The following MARCHF3 variants were observed in gnomAD, a reference collection of about 807,000 sequenced individuals.
The protein encoded by MARCHF3 is E3 ubiquitin-protein ligase MARCHF3.
A neutral mutation model predicts 24.2 loss-of-function variants in MARCHF3; 13 were observed. That is an observed-to-expected ratio of 0.54 (90% confidence interval 0.35 to 0.85). The LOEUF (loss-of-function observed/expected upper bound fraction) is 0.85, where lower values mean the gene tolerates loss of function less well. MARCHF3 is among the 40% of genes least tolerant of loss of function. MARCHF3 has a pLI of 0.01. For missense variants in MARCHF3, 276 were observed against 325.0 expected (o/e 0.85, Z 1.16); for synonymous variants, 144 against 137.3 (o/e 1.05, Z -0.34).
chr5:126,880,819 T>C (rs927203901), intron 3 of MARCHF3, among the ~76,000 whole-genome samples: 3 of 152,222 alleles, frequency 2.0e-5, no homozygotes. Flanking sequence ...TGTACTCTTC[T>C]CTGTACTTCC....
intron 4 of MARCHF3, among the ~76,000 whole-genome samples, chr5:126,872,897 C>A (rs1312128267): frequency 6.6e-6 from 1 of 151,986 alleles, no homozygotes; most frequent in Non-Finnish European, 1.5e-5. Flanking sequence ...TTCTGTCCTG[C>A]TGCTGCTTGG....
chr5:126,989,102 A>G (rs1209475461), intron 1 of MARCHF3, among the ~76,000 whole-genome samples: 1 of 152,102 alleles, frequency 6.6e-6, no homozygotes, highest in Non-Finnish European at 1.5e-5. Context: ...CAACATAGTG[A>G]GACCCCATCT....
At chr5:127,000,917 C>T (rs1410117300) in intron 1 of MARCHF3, among the ~76,000 whole-genome samples, 7 of 152,008 alleles carry the variant, frequency 4.6e-5, no homozygotes, top group Non-Finnish European at 1.0e-4. Flanking sequence ...CCATCCGCCT[C>T]GGCCTCCCAA....
intron 3 of MARCHF3, among the ~76,000 whole-genome samples, chr5:126,888,158 T>A (rs1397348533): frequency 1.3e-5 from 2 of 152,172 alleles, no homozygotes; most frequent in Non-Finnish European, 2.9e-5. Context: ...ATAAGACCAT[T>A]TGCTTGGACT....
intron 3 of MARCHF3, among the ~76,000 whole-genome samples, chr5:126,895,454 T>C (rs1183807400): frequency 6.6e-6 from 1 of 152,140 alleles, no homozygotes; most frequent in African/African-American, 2.4e-5. Context: ...TATCTACTTT[T>C]GGTCTTTGAT....
intron 1 of MARCHF3, among the ~76,000 whole-genome samples, chr5:126,946,761 G>GGTGTGTGTGTGTGTGT (rs58269583): frequency 0.036 from 4,856 of 135,908 alleles, 145 homozygotes; most frequent in East Asian, 0.041. Context: ...TGTAAGTAGG[G>GGTGTGTGTGTGTGTGT]GTGTGTGTGT....
At position 126,870,594 on chromosome 5, in the gene MARCHF3, C is replaced by T. The variant is rs953128589; in HGVS notation, c.*39G>A. 2 of 1,603,928 alleles carry T rather than the reference C, an allele frequency of 1.2e-6. No homozygotes were observed. Among genetic ancestry groups the T allele is most frequent in the African/African-American group, 2.7e-5 (2 of 73,318 alleles). On this transcript the variant is annotated 3_prime_UTR_variant, in exon 5 of 5. Coordinates refer to ENST00000308660, the MANE Select transcript of MARCHF3 (RefSeq NM_178450.5). Reference sequence around the variant, plus strand: ...ACCCCAGTGCAGACACTTCCAAACCCCAAACAATGAATCAAACAACCAACC... The same window carrying T: ...ACCCCAGTGCAGACACTTCCAAACCTCAAACAATGAATCAAACAACCAACC...
intron 1 of MARCHF3, among the ~76,000 whole-genome samples, chr5:126,976,415 G>A (rs1751196230): frequency 6.6e-6 from 1 of 152,172 alleles, no homozygotes; most frequent in Non-Finnish European, 1.5e-5. Context: ...CTCTCTTTCA[G>A]CTCCTCTGCT....
intron 1 of MARCHF3, among the ~76,000 whole-genome samples, chr5:126,954,927 A>T (rs2126818340): frequency 6.6e-6 from 1 of 151,960 alleles, no homozygotes; most frequent in East Asian, 1.9e-4. Context: ...TGGCATTATA[A>T]TTTTTGTGTT....
intron 1 of MARCHF3, among the ~76,000 whole-genome samples, chr5:126,993,437 CAT>C (rs982517231): frequency 5.3e-5 from 8 of 152,214 alleles, no homozygotes; most frequent in African/African-American, 1.7e-4. Context: ...CTTTCTTCCA[CAT>C]GTGTTACAAT....
intron 1 of MARCHF3, among the ~76,000 whole-genome samples, chr5:127,025,343 G>A: frequency 6.6e-6 from 1 of 151,148 alleles, no homozygotes; most frequent in East Asian, 1.9e-4. Flanking sequence ...ACTAACCAGG[G>A]GAAGGCCTGC....
At chr5:126,973,323 G>C (rs1400520659) in intron 1 of MARCHF3, among the ~76,000 whole-genome samples, 1 of 152,218 alleles carries the variant, frequency 6.6e-6, no homozygotes, top group Admixed American at 6.5e-5. Context: ...GTCCACGTTT[G>C]CATGCTAGGT....
intron 1 of MARCHF3, among the ~76,000 whole-genome samples, chr5:126,935,136 G>A (rs1224459524): frequency 1.3e-5 from 2 of 152,160 alleles, no homozygotes; most frequent in Non-Finnish European, 2.9e-5. Context: ...AATTTTATGT[G>A]TCATCTTGAC....
chr5:126,906,697 T>C (rs958207128), intron 3 of MARCHF3, among the ~76,000 whole-genome samples: 23 of 152,210 alleles, frequency 1.5e-4, no homozygotes, highest in African/African-American at 5.1e-4. Flanking sequence ...GTCTATTTGA[T>C]TCTTCTCTCT....
intron 3 of MARCHF3, among the ~76,000 whole-genome samples, chr5:126,883,712 G>A (rs545843031): frequency 6.6e-6 from 1 of 152,184 alleles, no homozygotes; most frequent in South Asian, 2.1e-4. Flanking sequence ...GGAAGAGGGG[G>A]TGCCAGAGGT....
At chr5:126,903,987 C>A (rs1318887126) in intron 3 of MARCHF3, among the ~76,000 whole-genome samples, 1 of 137,378 alleles carries the variant, frequency 7.3e-6, no homozygotes, top group African/African-American at 2.7e-5. Flanking sequence ...CAACAGTCCC[C>A]AGACTGTGAT....
At chr5:126,984,985 T>C (rs1751514356) in intron 1 of MARCHF3, among the ~76,000 whole-genome samples, 1 of 151,962 alleles carries the variant, frequency 6.6e-6, no homozygotes, top group Non-Finnish European at 1.5e-5. Context: ...GAGGCAGCCC[T>C]GGAAAAAAGA....
At chr5:126,986,060 A>G (rs1580708490) in intron 1 of MARCHF3, among the ~76,000 whole-genome samples, 1 of 152,240 alleles carries the variant, frequency 6.6e-6, no homozygotes, top group South Asian at 2.1e-4. Context: ...ATTTATGGAA[A>G]TATGTTCATT....
Position 126,954,199 on chromosome 5 carries a change from A to ATT in MARCHF3, c.-56-35974_-56-35973dup, listed in dbSNP as rs750262766. Among the ~76,000 whole-genome samples the ATT allele has an allele frequency of 3.5e-3, 396 of 114,068 alleles. 4 individuals carry two copies. Among genetic ancestry groups the ATT allele is most frequent in the African/African-American group, 0.01 (289 of 28,410 alleles). The allele number at this position is 114,068 out of a possible 152,430, so 74.8% of individuals were successfully genotyped here. On this transcript the variant is annotated intron_variant, in intron 1 of 4. Transcript: ENST00000308660. ...AGGCGCCTGCCAACACGCCCGGCTA[A>ATT]TTTTTTTTTTTTTTTTTTTTTTTGT...
Sources: allele counts gnomAD v4.1 joint callset (sites outside exome capture counted in the v4.1 genomes callset), GRCh38; gene constraint gnomAD v4.1.1; transcripts MANE v1.5; gene names NCBI Gene and HGNC (gene_info 2026-07-23, HGNC 2026-07-21).